The following DNAAF10 variants were observed in gnomAD, a reference collection of about 807,000 sequenced individuals.
DNAAF10 encodes WD repeat domain 92.
Under a neutral mutation model 43.7 loss-of-function variants are expected in DNAAF10, and 28 were observed. That is an observed-to-expected ratio of 0.64 (90% CI 0.48 to 0.88). The LOEUF is 0.88. Ranked by LOEUF, DNAAF10 falls within the 40% of genes least tolerant of loss-of-function variation. The pLI, the probability that DNAAF10 is intolerant of heterozygous loss-of-function variation, is 0.00. For synonymous variants in DNAAF10, 156 were observed against 157.3 expected, an observed-to-expected ratio of 0.99 and a Z score of 0.06; for missense variants, 403 against 439.1, an observed-to-expected ratio of 0.92 and a Z score of 0.73.
chr2:68,134,427 T>C (rs1672987892), intron 7 of DNAAF10: 4 of 1,215,118 alleles, frequency 3.3e-6, no homozygotes, highest in Non-Finnish European at 4.1e-6. Flanking sequence ...AGATAGTATC[T>C]GATAAAAGTC....
At position 68,131,093 on chromosome 2, in the gene DNAAF10, T is replaced by C. The variant is rs1250346807; in HGVS notation, c.*145A>G. On this transcript the variant is annotated 3_prime_UTR_variant, in exon 8 of 8. Coordinates refer to ENST00000295121, the MANE Select transcript of DNAAF10 (RefSeq NM_138458.4). Reference sequence around the variant, plus strand: ...ATGACACCCAGCAAATTTTTTTTTATATTTTTAGTAGAGACGGGGTTTCAC... The same window carrying C: ...ATGACACCCAGCAAATTTTTTTTTACATTTTTAGTAGAGACGGGGTTTCAC... 1.4e-6 allele frequency: 1 copy of C among 715,448 alleles called. No homozygotes were observed. The highest frequency in any genetic ancestry group is 3.2e-5 in the East Asian group (1 of 30,822). The allele number at this position is 715,448 out of a possible 1,614,324, so 44.3% of individuals were successfully genotyped here.
chr2:68,141,816 T>C lies in DNAAF10; in HGVS notation c.416-21A>G, dbSNP rs564989891. ...AGTTCCTGCCATGCATAAAAGTGAG[T>C]TGGCAAAAATTCAAAAGTAAATGAT... On this transcript the variant is annotated intron_variant, in intron 3 of 7. Transcript: ENST00000295121. 121 of 1,599,728 alleles carry C rather than the reference T, an allele frequency of 7.6e-5. No homozygotes were observed. The highest frequency in any genetic ancestry group is 1.2e-4 in the Admixed American group (7 of 59,426).
chr2:68,153,702 A>T (rs888091150), intron 1 of DNAAF10, among the ~76,000 whole-genome samples: 2 of 151,480 alleles, frequency 1.3e-5, no homozygotes, highest in Non-Finnish European at 2.9e-5. Flanking sequence ...ACCTATATTT[A>T]AAAATTTTTT....
chr2:68,138,976 CT>C (rs971839153), intron 4 of DNAAF10, 119 bp from the exon 5 acceptor site: 2 of 713,318 alleles, frequency 2.8e-6, no homozygotes, highest in Non-Finnish European at 4.9e-6. Flanking sequence ...AAAAATCACA[CT>C]GGGTAGTATC....
intron 4 of DNAAF10, 24 bp downstream of exon 4, chr2:68,141,670 T>A: frequency 6.2e-7 from 1 of 1,604,550 alleles, no homozygotes; most frequent in South Asian, 1.1e-5. Flanking sequence ...ATAATTCAAA[T>A]GCAAGAATTC....
chr2:68,143,186 A>G (rs1030471813), intron 3 of DNAAF10, among the ~76,000 whole-genome samples: 1 of 152,092 alleles, frequency 6.6e-6, no homozygotes, highest in Admixed American at 6.5e-5. Context: ...AAAGAAAAAA[A>G]AAATCCCAGA....
intron 5 of DNAAF10, 151 bp downstream of exon 5, chr2:68,138,591 A>G: frequency 1.6e-6 from 1 of 629,410 alleles, no homozygotes; most frequent in Non-Finnish European, 2.8e-6. Context: ...TTTTCATTAG[A>G]TTCTCAAACG....
chr2:68,137,060 C>T (rs1171025622), intron 6 of DNAAF10, among the ~76,000 whole-genome samples: 2 of 152,078 alleles, frequency 1.3e-5, no homozygotes, highest in South Asian at 4.1e-4. Flanking sequence ...TCTAATTGCT[C>T]CTAAACTACA....
At chr2:68,137,237 A>C in intron 6 of DNAAF10, 62 bp downstream of exon 6, 1 of 1,502,432 alleles carries the variant, frequency 6.7e-7, no homozygotes, top group Non-Finnish European at 8.9e-7. Flanking sequence ...GACTAATTCT[A>C]CTTATCAGTC....
intron 1 of DNAAF10, among the ~76,000 whole-genome samples, chr2:68,156,522 A>C (rs1673620192): frequency 6.6e-6 from 1 of 152,244 alleles, no homozygotes; most frequent in Admixed American, 6.5e-5. Flanking sequence ...AAAACCTTGC[A>C]AACCTAATCT....
chr2:68,132,831 A>G (rs912751112), intron 7 of DNAAF10, among the ~76,000 whole-genome samples: 3 of 152,248 alleles, frequency 2.0e-5, no homozygotes, highest in Admixed American at 6.5e-5. Context: ...TAAAGTTTAC[A>G]TTGCGCTAAA....
chr2:68,138,600 C>T (rs944468406), intron 5 of DNAAF10, 142 bp downstream of exon 5: 54 of 642,688 alleles, frequency 8.4e-5, no homozygotes, highest in African/African-American at 7.7e-4. Context: ...GATTCTCAAA[C>T]GGATTTGGCC....
chr2:68,142,253 TTTTC>T (rs1345886797), intron 3 of DNAAF10, among the ~76,000 whole-genome samples: 1 of 152,088 alleles, frequency 6.6e-6, no homozygotes, highest in Non-Finnish European at 1.5e-5. Flanking sequence ...TACTATTTCT[TTTTC>T]TTTCTTTCTT....
rs1364421106 is a variant in DNAAF10, at chr2:68,157,305, G to C, written c.139C>G (p.Gln47Glu). The C allele has an allele frequency of 3.7e-6, 6 of 1,614,022 alleles. No homozygotes were observed. Among genetic ancestry groups the C allele is most frequent in the African/African-American group, 1.3e-5 (1 of 74,908 alleles). ...GNFARGTGVI[Q>E]LYEIQHGDLK... is the part of the protein sequence containing the mutation. ...TCCCCGTGCTGGATCTCGTACAGCT[G>C]AATGACGCCGGTGCCCCGTGCGAAG... The change falls in exon 1 of 8, where the codon CAG (glutamine) becomes GAG (glutamate). Residue 47 changes from glutamine (Q) to glutamate (E), a missense_variant. Gln to Glu is a conservative substitution (Grantham distance 29, BLOSUM62 2). Transcript: ENST00000295121.
chr2:68,151,306 T>C (rs756328160), intron 1 of DNAAF10, among the ~76,000 whole-genome samples: 1 of 152,178 alleles, frequency 6.6e-6, no homozygotes, highest in Non-Finnish European at 1.5e-5. Context: ...TCTCTTCCAC[T>C]TGGGCCATTT....
At chr2:68,154,891 T>C (rs1673552893) in intron 1 of DNAAF10, among the ~76,000 whole-genome samples, 1 of 152,094 alleles carries the variant, frequency 6.6e-6, no homozygotes, top group African/African-American at 2.4e-5. Context: ...GCCTCCCAAG[T>C]AGCTGGGACT....
Position 68,141,722 on chromosome 2 carries a change from G to T in DNAAF10, c.489C>A (p.Asn163Lys). 2 of 1,614,038 alleles carry T rather than the reference G, an allele frequency of 1.2e-6. No individual in the cohort carries two copies. Among genetic ancestry groups the T allele is most frequent in the Non-Finnish European group, 1.7e-6 (2 of 1,179,984 alleles). ...VANMEPVQGE[N>K]KRDCWTVAFG... is the part of the protein sequence containing the mutation. Reference sequence around the variant, plus strand: ...ATGCCACAGTCCAACAGTCTCTCTTGTTTTCTCCTTGTACAGGTTCCATAT... The same window carrying T: ...ATGCCACAGTCCAACAGTCTCTCTTTTTTTCTCCTTGTACAGGTTCCATAT... The change falls in exon 4 of 8, where the codon AAC becomes AAA. Residue 163 changes from asparagine to lysine, a missense_variant. Transcript: ENST00000295121.
At chr2:68,140,390 A>G (rs942688104) in intron 4 of DNAAF10, among the ~76,000 whole-genome samples, 13 of 152,080 alleles carry the variant, frequency 8.5e-5, no homozygotes, top group African/African-American at 3.1e-4. Context: ...TTCAATTAAT[A>G]CCATCATTCA....
At chr2:68,134,667 A>C (rs1270729218) in intron 7 of DNAAF10, 35 bp downstream of exon 7, 26 of 1,594,544 alleles carry the variant, frequency 1.6e-5, no homozygotes, top group Non-Finnish European at 2.2e-5. Context: ...CCCACAGGTA[A>C]CTTTAAAAGG....
Sources: gnomAD v4.1 joint callset for allele counts (sites outside exome capture counted in the v4.1 genomes callset) on GRCh38, gnomAD v4.1.1 for gene constraint, MANE v1.5 for transcripts, NCBI Gene and HGNC (gene_info 2026-07-23, HGNC 2026-07-21) for gene names.